Variants in TPP2 observed in about 807,000 individuals in gnomAD.
TPP2 encodes the protein tripeptidyl-peptidase 2.
In TPP2, 34 loss-of-function variants were observed where a neutral mutation model predicts 155.9. The ratio of observed to expected loss-of-function variants is 0.22; its 90% CI spans 0.17 to 0.29. The LOEUF (loss-of-function observed/expected upper bound fraction) is 0.29. Ranked by LOEUF, TPP2 falls within the 10% of genes least tolerant of loss-of-function variation. TPP2 has a pLI of 1.00. For missense variants in TPP2, 1,028 were observed against 1,522.3 expected (o/e 0.68, Z 5.40); for synonymous variants, 510 against 529.4 (o/e 0.96, Z 0.50).
rs584710 is a variant in TPP2 at position 102,676,269 on chromosome 13, C to A, written c.3580-27C>A. Reference sequence around the variant, plus strand: ...CTTAAAATGTAAATTATTTTATAAACAAGCTTTATCATGTTTTACATTGTA... The same window carrying A: ...CTTAAAATGTAAATTATTTTATAAAAAAGCTTTATCATGTTTTACATTGTA... On this transcript the variant is annotated intron_variant, in intron 28 of 29. Coordinates refer to ENST00000376052, the MANE Select transcript of TPP2 (RefSeq NM_001330588.2). 716,419 of 1,525,338 alleles carry A rather than the reference C, an allele frequency of 0.47. 170,767 individuals carry two copies. Among genetic ancestry groups the A allele is most frequent in the African/African-American group, 0.6 (42,434 of 70,996 alleles). 94.5% of individuals were successfully genotyped at this position (1,525,338 alleles called of 1,614,324 possible). A position where few individuals can be genotyped will look rare whatever the true frequency, so the allele number is the denominator to read the frequency against.
chr13:102,602,227 C>CTTTTT (rs1879483025), intron 1 of TPP2, among the ~76,000 whole-genome samples: 4 of 152,032 alleles, frequency 2.6e-5, no homozygotes, highest in Non-Finnish European at 5.9e-5. Context: ...GTAGTATCAA[C>CTTTTT]TTAATTTTGT....
At chr13:102,661,342 C>G (rs1427963136) in intron 25 of TPP2, among the ~76,000 whole-genome samples, 1 of 151,352 alleles carries the variant, frequency 6.6e-6, no homozygotes, top group Admixed American at 6.6e-5. Flanking sequence ...CCTTGAACCC[C>G]TGGGCTCAAG....
At position 102,624,940 on chromosome 13, in the gene TPP2, A is replaced by C. The variant is rs1253927965; in HGVS notation, c.784+1900A>C. 2.2e-5 allele frequency among the ~76,000 whole-genome samples: 3 copies of C among 139,358 alleles called. No individual in the cohort carries two copies. In the Admixed American group the frequency reaches 2.3e-4, roughly 11 times the overall value. The allele number at this position is 139,358 out of a possible 152,430, so 91.4% of individuals were successfully genotyped here. A position where few individuals can be genotyped will look rare whatever the true frequency, so the allele number is the denominator to read the frequency against. On this transcript the variant is annotated intron_variant, in intron 6 of 29. Coordinates refer to ENST00000376052, the MANE Select transcript of TPP2 (RefSeq NM_001330588.2). ...GGTGGCACGGTCTCGGCTCACTGCA[A>C]CCTCTGCCTCCCAGGTTCAAGTGAT...
chr13:102,610,479 T>C (rs1319311650), intron 2 of TPP2, among the ~76,000 whole-genome samples: 2 of 152,114 alleles, frequency 1.3e-5, no homozygotes, highest in Non-Finnish European at 2.9e-5. Flanking sequence ...ATCCACCCAC[T>C]TCGGCCTCCC....
intron 27 of TPP2, among the ~76,000 whole-genome samples, chr13:102,671,548 G>A (rs1003991875): frequency 3.3e-5 from 5 of 152,118 alleles, no homozygotes; most frequent in Admixed American, 2.6e-4. Flanking sequence ...ATGGGCTAGC[G>A]GCTCCGTTTT....
Position 102,622,942 on chromosome 13 carries a change from A to G in TPP2, c.686A>G (p.Glu229Gly). The change falls in exon 6 of 30, where the codon GAA becomes GGA. Residue 229 changes from glutamate to glycine, a missense_variant. Coordinates refer to ENST00000376052, the MANE Select transcript of TPP2 (RefSeq NM_001330588.2). ...TCTACCGTGTTGAGAAACTACAAAG[A>G]AGCCCAAGAATATGGCTCTTTTGGC... ...SKSTVLRNYKEAQEYGSFGTA... is the reference protein window; with the variant it reads ...SKSTVLRNYKGAQEYGSFGTA... 6.2e-7 allele frequency: 1 copy of G among 1,614,190 alleles called. No homozygotes were observed. The highest frequency in any genetic ancestry group is 8.5e-7 in the Non-Finnish European group (1 of 1,180,022).
intron 29 of TPP2, among the ~76,000 whole-genome samples, chr13:102,676,817 A>T (rs906870009): frequency 2.4e-4 from 37 of 152,222 alleles, no homozygotes; most frequent in African/African-American, 8.7e-4. Flanking sequence ...AGGCATTTTT[A>T]AAATTATCTT....
chr13:102,624,256 T>C (rs1202122576), intron 6 of TPP2, among the ~76,000 whole-genome samples: 1 of 152,202 alleles, frequency 6.6e-6, no homozygotes, highest in Non-Finnish European at 1.5e-5. Context: ...GGTGGCTACT[T>C]CTGGGGGAAG....
chr13:102,635,731 G>C, intron 12 of TPP2, 29 bp downstream of exon 12: 1 of 1,500,900 alleles, frequency 6.7e-7, no homozygotes, highest in Non-Finnish European at 9.2e-7. Context: ...AAAATGGGTT[G>C]TAAAGCATCA....
At position 102,668,268 on chromosome 13, in the gene TPP2, G is replaced by T. The variant is rs550691316; in HGVS notation, c.3371+3343G>T. Among the ~76,000 whole-genome samples, 3 of 152,228 alleles carry T rather than the reference G, an allele frequency of 2.0e-5. No homozygotes were observed. The East Asian group carries it at 5.8e-4, about 29-fold the overall frequency. On this transcript the variant is annotated intron_variant, in intron 27 of 29. Transcript: ENST00000376052. ...AGCCAGATCCTCTTTCAAAGCTTTT[G>T]CAAAACCTCCCAGCCTTCCAAGAAG...
At chr13:102,645,348 C>A (rs1883033586) in intron 19 of TPP2, among the ~76,000 whole-genome samples, 1 of 152,212 alleles carries the variant, frequency 6.6e-6, no homozygotes, top group African/African-American at 2.4e-5. Context: ...TTAGAAACTG[C>A]AATACCATTA....
chr13:102,623,803 G>C (rs7336551), intron 6 of TPP2, among the ~76,000 whole-genome samples: 1 of 151,988 alleles, frequency 6.6e-6, no homozygotes, highest in African/African-American at 2.4e-5. Flanking sequence ...TGGGGGGATT[G>C]GTTCTGGAAT....
intron 2 of TPP2, 39 bp from the exon 3 acceptor site, chr13:102,614,062 A>C (rs886229379): frequency 1.9e-6 from 3 of 1,574,436 alleles, no homozygotes; most frequent in Non-Finnish European, 2.6e-6. Context: ...ATTGGAAAGC[A>C]TTTAGTGAAT....
At chr13:102,646,424 A>G (rs966484280) in intron 20 of TPP2, 34 bp downstream of exon 20, 2 of 1,539,492 alleles carry the variant, frequency 1.3e-6, no homozygotes, top group African/African-American at 1.4e-5. Context: ...TACCCTTAGG[A>G]TGAACTTTTG....
intron 2 of TPP2, 94 bp from the exon 3 acceptor site, chr13:102,614,006 TA>T (rs1880521141): frequency 2.0e-6 from 2 of 1,021,416 alleles, no homozygotes. Flanking sequence ...TTAAGCTTAT[TA>T]GAGTAGAAGT....
At chr13:102,655,574 A>T (rs1223087922) in intron 24 of TPP2, among the ~76,000 whole-genome samples, 1 of 152,220 alleles carries the variant, frequency 6.6e-6, no homozygotes, top group East Asian at 1.9e-4. Context: ...TTTACCTTTC[A>T]CAAGTCAAGA....
chr13:102,650,223 A>G (rs1883394558), intron 23 of TPP2, among the ~76,000 whole-genome samples: 1 of 152,140 alleles, frequency 6.6e-6, no homozygotes. Flanking sequence ...ATTTTAGCTC[A>G]ATGCCAGTAA....
chr13:102,629,661 AC>A (rs1317830925), intron 9 of TPP2, 52 bp downstream of exon 9: 1 of 1,534,042 alleles, frequency 6.5e-7, no homozygotes, highest in East Asian at 2.4e-5. Flanking sequence ...CAAACAAAAA[AC>A]AATAGTTAAT....
chr13:102,664,769 T>C, intron 26 of TPP2, 26 bp from the exon 27 acceptor site: 1 of 1,605,724 alleles, frequency 6.2e-7, no homozygotes, highest in Non-Finnish European at 8.5e-7. Context: ...ATACCTATTT[T>C]TTATTATTTC....
Sources: allele counts gnomAD v4.1 joint callset (sites outside exome capture counted in the v4.1 genomes callset), GRCh38; gene constraint gnomAD v4.1.1; transcripts MANE v1.5; gene names NCBI Gene and HGNC (gene_info 2026-07-23, HGNC 2026-07-21).